SHTN1: variants seen among roughly 807,000 people sequenced by gnomAD.
SHTN1 encodes the protein shootin 1.
SHTN1 carries 42 observed loss-of-function variants against 83.1 expected under a neutral mutation model. The ratio of observed to expected loss-of-function variants is 0.51; its 90% CI spans 0.39 to 0.65. SHTN1 has a LOEUF of 0.65. SHTN1 is among the 30% of genes least tolerant of loss of function. The probability of loss-of-function intolerance (pLI) is 0.00; values close to 1 mark genes in which losing one functional copy is unlikely to be tolerated. For missense variants in SHTN1, 622 were observed against 737.8 expected, an observed-to-expected ratio of 0.84 and a Z score of 1.82; for synonymous variants, 224 against 247.7, an observed-to-expected ratio of 0.90 and a Z score of 0.90.
chr10:116,939,377 C>T (rs1221478792), intron 9 of SHTN1, among the ~76,000 whole-genome samples: 1 of 152,286 alleles, frequency 6.6e-6, no homozygotes, highest in Admixed American at 6.5e-5. Context: ...GAGCACCATT[C>T]CTCACAGCAC....
intron 2 of SHTN1, among the ~76,000 whole-genome samples, chr10:117,031,135 A>G (rs1481764935): frequency 6.6e-6 from 1 of 152,220 alleles, no homozygotes; most frequent in Non-Finnish European, 1.5e-5. Flanking sequence ...CAAATAACAT[A>G]CAATGGAGCT....
At chr10:117,105,567 T>C (rs940073427) in intron 1 of SHTN1, among the ~76,000 whole-genome samples, 3 of 152,220 alleles carry the variant, frequency 2.0e-5, no homozygotes, top group African/African-American at 7.2e-5. Flanking sequence ...CTAATAAGCA[T>C]AGAACCCGTT....
intron 3 of SHTN1, among the ~76,000 whole-genome samples, chr10:116,967,619 G>A (rs1037777808): frequency 6.6e-5 from 10 of 152,014 alleles, no homozygotes; most frequent in African/African-American, 1.7e-4. Context: ...GTAACATCAC[G>A]TAACGTAAGA....
chr10:116,960,074 T>G lies in SHTN1; in HGVS notation c.267+62A>C, dbSNP rs1026073378. On this transcript the variant is annotated intron_variant, in intron 4 of 16. Transcript: ENST00000355371. ...AAAAGCAAAACCAGATAGAAGCCAC[T>G]GCTTAGAAAAGCAAGTTGAAATTTA... 9.1e-6 allele frequency: 9 copies of G among 990,174 alleles called. No homozygotes were observed. In the Admixed American group the frequency reaches 1.7e-4, roughly 18 times the overall value. 61.3% of individuals were successfully genotyped at this position (990,174 alleles called of 1,614,324 possible).
chr10:117,087,232 T>C (rs1853364350), intron 1 of SHTN1, among the ~76,000 whole-genome samples: 1 of 152,252 alleles, frequency 6.6e-6, no homozygotes, highest in Admixed American at 6.5e-5. Flanking sequence ...ATGTACTTAA[T>C]GTCACTGAAT....
intron 4 of SHTN1, among the ~76,000 whole-genome samples, chr10:116,955,100 C>CAAAA (rs59777387): frequency 3.4e-5 from 3 of 87,742 alleles, no homozygotes; most frequent in Admixed American, 1.2e-4. Context: ...TACTTCACAG[C>CAAAA]AAAAAAAAAA....
chr10:116,941,084 C>T (rs888713334), intron 8 of SHTN1, among the ~76,000 whole-genome samples: 1 of 152,158 alleles, frequency 6.6e-6, no homozygotes, highest in Non-Finnish European at 1.5e-5. Context: ...TAAAACAACA[C>T]TATCAAGTAG....
At chr10:116,925,649 T>TA (rs1051479850) in intron 11 of SHTN1, among the ~76,000 whole-genome samples, 24 of 152,120 alleles carry the variant, frequency 1.6e-4, no homozygotes, top group Admixed American at 2.6e-4. Flanking sequence ...TCTGTTTCTC[T>TA]AAAAAAAGCA....
chr10:117,097,245 T>G (rs1853516938), intron 1 of SHTN1, among the ~76,000 whole-genome samples: 1 of 152,266 alleles, frequency 6.6e-6, no homozygotes, highest in Non-Finnish European at 1.5e-5. Context: ...GAAAATCAGA[T>G]TCCCACTCTG....
At chr10:117,124,956 C>T (rs1853982103) in intron 1 of SHTN1, among the ~76,000 whole-genome samples, 2 of 152,112 alleles carry the variant, frequency 1.3e-5, no homozygotes, top group African/African-American at 4.8e-5. Flanking sequence ...CTGCGGGAAC[C>T]TTGCCCCGAG....
At chr10:117,018,144 C>T (rs1308642534) in intron 2 of SHTN1, among the ~76,000 whole-genome samples, 1 of 152,060 alleles carries the variant, frequency 6.6e-6, no homozygotes, top group Admixed American at 6.6e-5. Context: ...TGAGTAAAAT[C>T]CAAATCAAGT....
intron 5 of SHTN1, 40 bp downstream of exon 5, chr10:116,954,002 G>A: frequency 6.5e-7 from 1 of 1,528,790 alleles, no homozygotes; most frequent in South Asian, 1.2e-5. Flanking sequence ...TATCATAACG[G>A]GGTAAAAAAT....
intron 16 of SHTN1, among the ~76,000 whole-genome samples, chr10:116,897,765 G>A (rs11197845): frequency 2.2e-3 from 330 of 152,134 alleles, no homozygotes; most frequent in Non-Finnish European, 3.7e-3. Flanking sequence ...ATATCTAAAC[G>A]GCAGACCCAG....
chr10:117,067,410 G>A (rs570728557), intron 1 of SHTN1, among the ~76,000 whole-genome samples: 8 of 152,236 alleles, frequency 5.3e-5, no homozygotes, highest in African/African-American at 1.7e-4. Flanking sequence ...AGCCAACATG[G>A]GGGAAACCCC....
At chr10:116,937,120 G>A (rs1849199438) in intron 9 of SHTN1, among the ~76,000 whole-genome samples, 1 of 152,020 alleles carries the variant, frequency 6.6e-6, no homozygotes. Flanking sequence ...TATCCAATTT[G>A]CCAGTCTGTG....
intron 1 of SHTN1, among the ~76,000 whole-genome samples, chr10:117,059,819 A>G (rs1476486755): frequency 1.3e-5 from 2 of 152,186 alleles, no homozygotes; most frequent in Non-Finnish European, 2.9e-5. Context: ...GGAAGATTGT[A>G]CCATTGAGGG....
intron 12 of SHTN1, among the ~76,000 whole-genome samples, chr10:116,920,050 A>C (rs1197289196): frequency 1.3e-5 from 2 of 152,192 alleles, no homozygotes; most frequent in Non-Finnish European, 2.9e-5. Flanking sequence ...TAACTCAAAC[A>C]CCACAGCCAG....
At chr10:117,084,730 A>C (rs1292556029) in intron 1 of SHTN1, among the ~76,000 whole-genome samples, 1 of 151,964 alleles carries the variant, frequency 6.6e-6, no homozygotes, top group Non-Finnish European at 1.5e-5. Context: ...GCAGGATATA[A>C]TCTCGTGGTG....
intron 2 of SHTN1, among the ~76,000 whole-genome samples, chr10:116,978,285 T>C (rs990512380): frequency 8.5e-5 from 13 of 152,054 alleles, no homozygotes; most frequent in Admixed American, 7.9e-4. Context: ...TTTACAAATA[T>C]TTAGCTTGCT....
Sources: gnomAD v4.1 joint callset for allele counts (sites outside exome capture counted in the v4.1 genomes callset) on GRCh38, gnomAD v4.1.1 for gene constraint, MANE v1.5 for transcripts, NCBI Gene and HGNC (gene_info 2026-07-23, HGNC 2026-07-21) for gene names.